Variants in CACNA1C observed in about 807,000 individuals in gnomAD.
CACNA1C encodes voltage-dependent L-type calcium channel subunit alpha-1C.
In CACNA1C, 30 loss-of-function variants were observed where a neutral mutation model predicts 229.0. That is an observed-to-expected ratio of 0.13 (90% confidence interval 0.10 to 0.18). CACNA1C has a LOEUF of 0.18. CACNA1C is among the 10% of genes least tolerant of loss of function. The pLI is 1.00. For missense variants in CACNA1C, 1,658 were observed against 2,845.0 expected, an observed-to-expected ratio of 0.58 and a Z score of 9.49; for synonymous variants, 1,114 against 1,132.5, an observed-to-expected ratio of 0.98 and a Z score of 0.33.
At chr12:2,681,859 C>T (rs2097162993) in intron 42 of CACNA1C, 1 of 783,964 alleles carries the variant, frequency 1.3e-6, no homozygotes, top group Non-Finnish European at 2.3e-6. Context: ...CTATAGAAAG[C>T]AAGACAAAGG....
At chr12:2,631,189 C>A (rs960303189) in intron 29 of CACNA1C, among the ~76,000 whole-genome samples, 21 of 152,184 alleles carry the variant, frequency 1.4e-4, no homozygotes, top group Non-Finnish European at 2.9e-5. Context: ...GGCCAACTTA[C>A]CCATTTTGTT....
intron 3 of CACNA1C, among the ~76,000 whole-genome samples, chr12:2,326,169 C>T (rs747970223): frequency 4.0e-5 from 6 of 151,568 alleles, no homozygotes; most frequent in Non-Finnish European, 7.4e-5. Flanking sequence ...AGGAGGATGA[C>T]GAGGGAGGAG....
chr12:2,589,376 A>C (rs570471702), intron 18 of CACNA1C, among the ~76,000 whole-genome samples: 1 of 152,390 alleles, frequency 6.6e-6, no homozygotes, highest in African/African-American at 2.4e-5. Context: ...AGGACACAGC[A>C]TTTGACTGGA....
intron 3 of CACNA1C, among the ~76,000 whole-genome samples, chr12:2,331,199 C>T (rs1265394441): frequency 6.6e-6 from 1 of 152,038 alleles, no homozygotes; most frequent in Admixed American, 6.5e-5. Flanking sequence ...AAAAGAAATA[C>T]CATGTTAATA....
chr12:2,179,103 T>A (rs1160935645), intron 3 of CACNA1C, among the ~76,000 whole-genome samples: 1 of 152,150 alleles, frequency 6.6e-6, no homozygotes, highest in Non-Finnish European at 1.5e-5. Context: ...AGGAGATAGA[T>A]GTGATGGCGG....
chr12:2,670,121 G>T (rs2096478816), intron 38 of CACNA1C, among the ~76,000 whole-genome samples: 1 of 152,170 alleles, frequency 6.6e-6, no homozygotes, highest in Non-Finnish European at 1.5e-5. Context: ...CCAAATCCCT[G>T]AGCATGGGGC....
At chr12:2,534,661 A>G (rs2099848980) in intron 9 of CACNA1C, among the ~76,000 whole-genome samples, 1 of 152,070 alleles carries the variant, frequency 6.6e-6, no homozygotes, top group Admixed American at 6.5e-5. Flanking sequence ...GCAAGTCCTC[A>G]TCTCTCCAGA....
intron 3 of CACNA1C, among the ~76,000 whole-genome samples, chr12:2,424,457 C>G (rs1179607204): frequency 6.6e-6 from 1 of 152,174 alleles, no homozygotes; most frequent in Non-Finnish European, 1.5e-5. Context: ...GAGACAGATT[C>G]ACTTCTTTCT....
At chr12:2,414,123 G>A (rs1404170018) in intron 3 of CACNA1C, among the ~76,000 whole-genome samples, 1 of 129,148 alleles carries the variant, frequency 7.7e-6, no homozygotes, top group Non-Finnish European at 1.7e-5. Flanking sequence ...GGGATAAGTG[G>A]CGTAATCTCT....
At chr12:2,069,389 C>T (rs1048790800) in intron 1 of CACNA1C, among the ~76,000 whole-genome samples, 7 of 152,140 alleles carry the variant, frequency 4.6e-5, no homozygotes, top group East Asian at 1.9e-4. Context: ...AGCCAAACCC[C>T]AAGTTATTTG....
chr12:2,565,475 GAAAAAAAAAA>G (rs4016834), intron 11 of CACNA1C, among the ~76,000 whole-genome samples: 2 of 117,744 alleles, frequency 1.7e-5, no homozygotes, highest in Non-Finnish European at 3.5e-5. Flanking sequence ...CTCCGTCTCA[GAAAAAAAAAA>G]AAAAAAAAAA....
At chr12:2,269,239 G>A (rs2083723681) in intron 3 of CACNA1C, among the ~76,000 whole-genome samples, 1 of 152,214 alleles carries the variant, frequency 6.6e-6, no homozygotes, top group African/African-American at 2.4e-5. Context: ...AGAGCCAGGA[G>A]GGAGTCATGG....
At chr12:2,326,995 T>C (rs756363136) in intron 3 of CACNA1C, among the ~76,000 whole-genome samples, 21 of 152,222 alleles carry the variant, frequency 1.4e-4, no homozygotes, top group Non-Finnish European at 2.9e-4. Flanking sequence ...GTATTCATTC[T>C]TGCCTCCTTC....
rs796364790 is a variant in CACNA1C at position 2,144,668 on chromosome 12, A to G, written c.477+24238A>G. 1.8e-4 allele frequency among the ~76,000 whole-genome samples: 27 copies of G among 151,462 alleles called. 1 individual carries two copies. The highest frequency in any genetic ancestry group is 6.5e-4 in the African/African-American group (27 of 41,478). ...TTACGCGTGCTACTGAAAAAACAAA[A>G]CCCAAACTAATGATCACTGTATTTC... On this transcript the variant is annotated intron_variant, in intron 3 of 46. Coordinates refer to ENST00000399655, the MANE Select transcript of CACNA1C (RefSeq NM_000719.7).
chr12:2,605,826 C>A lies in CACNA1C; in HGVS notation c.3156+40C>A. The A allele has an allele frequency of 7.7e-7, 1 of 1,301,242 alleles. No homozygotes were observed. The highest frequency in any genetic ancestry group is 1.1e-6 in the Non-Finnish European group (1 of 894,428). 80.6% of individuals were successfully genotyped at this position (1,301,242 alleles called of 1,614,324 possible). A position where few individuals can be genotyped will look rare whatever the true frequency, so the allele number is the denominator to read the frequency against. On this transcript the variant is annotated intron_variant, in intron 24 of 46. Coordinates refer to ENST00000399655, the MANE Select transcript of CACNA1C (RefSeq NM_000719.7). The surrounding 1 kb of genome is among the most constrained non-coding windows in gnomAD (Gnocchi z 6.2). ...CCGTTGTGGTCCTCCTACCTCCCCT[C>A]CCATCAGCATTCCTGGGGAAGGGAA...
At chr12:2,004,490 A>C in intron 1 of CACNA1C, 1 of 1,531,578 alleles carries the variant, frequency 6.5e-7, no homozygotes, top group Non-Finnish European at 8.8e-7. Flanking sequence ...AATAGATCGC[A>C]GAACGAGCGA....
rs61409157 is a variant in CACNA1C, at chr12:2,348,283, G to A, written c.478-100693G>A. On this transcript the variant is annotated intron_variant, in intron 3 of 46. Coordinates refer to ENST00000399655, the MANE Select transcript of CACNA1C (RefSeq NM_000719.7). This position sits in a 1 kb window ranked among gnomAD's most constrained non-coding sequence, Gnocchi z 4.7. ...GTCTGCAGCCCCTCCCCCACTGCAG[G>A]GCCAGGACAGGCCGTCCTGAGTGCT... 0.02 allele frequency among the ~76,000 whole-genome samples: 2,989 copies of A among 152,308 alleles called. 109 individuals are homozygous for A. The highest frequency in any genetic ancestry group is 0.068 in the African/African-American group (2,838 of 41,562).
At position 2,157,375 on chromosome 12, in the gene CACNA1C, G is replaced by A. The variant is rs570188444; in HGVS notation, c.477+36945G>A. 8.5e-5 allele frequency among the ~76,000 whole-genome samples: 13 copies of A among 152,284 alleles called. No homozygotes were observed. The East Asian group carries it at 2.1e-3, about 25-fold the overall frequency. ...TCAGCTGAGGACTGGAGGATAAAGC[G>A]GAATGTTCTCTAATGGGGATAAAGC... On this transcript the variant is annotated intron_variant, in intron 3 of 46. Transcript: ENST00000399655.
chr12:1,997,926 C>T, intron 1 of CACNA1C: 1 of 1,596,608 alleles, frequency 6.3e-7, no homozygotes, highest in Non-Finnish European at 8.5e-7. Context: ...AAAAGTGAAA[C>T]ACTCTTACCT....
Sources: gnomAD v4.1 joint callset for allele counts (sites outside exome capture counted in the v4.1 genomes callset) on GRCh38, gnomAD v4.1.1 for gene constraint, Gnocchi (gnomAD v3.1) non-coding constraint, MANE v1.5 for transcripts, NCBI Gene and HGNC (gene_info 2026-07-23, HGNC 2026-07-21) for gene names.